MEIKIN: variants seen among roughly 807,000 people sequenced by gnomAD.
MEIKIN encodes meiotic kinetochore factor.
intron 6 of MEIKIN, among the ~76,000 whole-genome samples, chr5:131,920,685 C>T (rs1255314184): frequency 3.3e-5 from 5 of 150,520 alleles, no homozygotes; most frequent in African/African-American, 1.0e-4. Context: ...TTACCAAAAA[C>T]TGCATAACTT....
At chr5:131,894,719 G>A (rs996769617) in intron 8 of MEIKIN, among the ~76,000 whole-genome samples, 4 of 152,070 alleles carry the variant, frequency 2.6e-5, no homozygotes, top group Admixed American at 2.0e-4. Context: ...TTGGTGTATA[G>A]GAATGCTTGT....
At chr5:131,926,919 A>C (rs1277023919) in intron 5 of MEIKIN, among the ~76,000 whole-genome samples, 1 of 152,074 alleles carries the variant, frequency 6.6e-6, no homozygotes, top group Non-Finnish European at 1.5e-5. Flanking sequence ...TCTAACTAAA[A>C]GTTTGTCAAA....
At chr5:131,811,012 T>G (rs1772942877) in intron 12 of MEIKIN, among the ~76,000 whole-genome samples, 1 of 152,162 alleles carries the variant, frequency 6.6e-6, no homozygotes, top group Non-Finnish European at 1.5e-5. Context: ...CTTTGCTATT[T>G]TTACTAAAGG....
At chr5:131,863,527 T>C (rs1266399185) in intron 9 of MEIKIN, among the ~76,000 whole-genome samples, 3 of 151,310 alleles carry the variant, frequency 2.0e-5, no homozygotes, top group Non-Finnish European at 1.5e-5. Flanking sequence ...AGATTGATCC[T>C]TTTATCATTA....
At chr5:131,927,106 T>C (rs1439536184) in intron 5 of MEIKIN, among the ~76,000 whole-genome samples, 2 of 152,214 alleles carry the variant, frequency 1.3e-5, no homozygotes, top group Admixed American at 1.3e-4. Context: ...AAATTTTTCT[T>C]TTTAAATTTA....
chr5:131,878,672 T>C (rs1196957001), intron 9 of MEIKIN, among the ~76,000 whole-genome samples: 1 of 152,038 alleles, frequency 6.6e-6, no homozygotes, highest in African/African-American at 2.4e-5. Context: ...GAGTTTGAGA[T>C]GAGCCTGGAC....
intron 9 of MEIKIN, among the ~76,000 whole-genome samples, chr5:131,855,276 T>C (rs1750174064): frequency 6.6e-6 from 1 of 152,204 alleles, no homozygotes; most frequent in Non-Finnish European, 1.5e-5. Flanking sequence ...GTGAAATATA[T>C]GTAGCAAGGA....
intron 5 of MEIKIN, among the ~76,000 whole-genome samples, chr5:131,927,499 A>C (rs549633374): frequency 1.4e-4 from 21 of 152,184 alleles, no homozygotes; most frequent in Non-Finnish European, 3.1e-4. Context: ...GCGCTGTTCA[A>C]GTCTGCTGTT....
chr5:131,888,171 C>T (rs1348821454), intron 8 of MEIKIN, among the ~76,000 whole-genome samples: 2 of 147,774 alleles, frequency 1.4e-5, no homozygotes, highest in African/African-American at 2.6e-5. Context: ...AATAAACATA[C>T]GTGTGCATGT....
At position 131,826,555 on chromosome 5, in the gene MEIKIN, T is replaced by C. The variant is rs978451; in HGVS notation, c.976-7692A>G. 4.5e-3 allele frequency among the ~76,000 whole-genome samples: 693 copies of C among 152,332 alleles called. 6 individuals carry two copies. Among genetic ancestry groups the C allele is most frequent in the African/African-American group, 0.016 (654 of 41,570 alleles). ...AAATTTCAAGAGTAGCCATGATTGA[T>C]AGAGTTTGGCTCTGTGTCCCACCCA... On this transcript the variant is annotated intron_variant, in intron 11 of 12. Transcript: ENST00000442687.
chr5:131,833,334 C>T (rs1296638011), intron 11 of MEIKIN, among the ~76,000 whole-genome samples: 1 of 152,190 alleles, frequency 6.6e-6, no homozygotes, highest in African/African-American at 2.4e-5. Flanking sequence ...CAACAAGTTC[C>T]TCATCTCCAT....
chr5:131,914,968 G>C (rs776164964), intron 7 of MEIKIN, among the ~76,000 whole-genome samples: 9 of 152,124 alleles, frequency 5.9e-5, no homozygotes, highest in Non-Finnish European at 1.0e-4. Context: ...TGTCCATACA[G>C]GGTGGAAACA....
At chr5:131,870,539 C>T (rs1047779405) in intron 9 of MEIKIN, among the ~76,000 whole-genome samples, 1 of 152,134 alleles carries the variant, frequency 6.6e-6, no homozygotes, top group Non-Finnish European at 1.5e-5. Flanking sequence ...ACATCTGTTC[C>T]CCTGACCTCC....
intron 8 of MEIKIN, among the ~76,000 whole-genome samples, chr5:131,880,494 G>A (rs767630653): frequency 5.9e-5 from 9 of 151,748 alleles, no homozygotes; most frequent in Non-Finnish European, 8.8e-5. Flanking sequence ...CGCCTGCCTC[G>A]GCCTCCCAAA....
chr5:131,876,254 A>G (rs1399067393), intron 9 of MEIKIN, among the ~76,000 whole-genome samples: 3 of 152,032 alleles, frequency 2.0e-5, no homozygotes, highest in East Asian at 3.9e-4. Flanking sequence ...CATCTGACAA[A>G]GGGCTAATAT....
chr5:131,936,932 T>C (rs1487750211), intron 4 of MEIKIN, among the ~76,000 whole-genome samples: 1 of 152,184 alleles, frequency 6.6e-6, no homozygotes, highest in Middle Eastern at 3.2e-3. Flanking sequence ...CACCAGGTTA[T>C]CTATTTTTTA....
At chr5:131,811,349 T>TC (rs1772949083) in intron 12 of MEIKIN, among the ~76,000 whole-genome samples, 1 of 151,984 alleles carries the variant, frequency 6.6e-6, no homozygotes. Flanking sequence ...TCTTTTCTTT[T>TC]TTTTTTTTTT....
chr5:131,833,057 C>T (rs530886418), intron 11 of MEIKIN, among the ~76,000 whole-genome samples: 290 of 152,358 alleles, frequency 1.9e-3, no homozygotes, highest in Non-Finnish European at 3.8e-3. Context: ...AATTTCTCCT[C>T]AGAGAATGGG....
At chr5:131,807,346 C>T (rs528364786) in intron 12 of MEIKIN, 88 bp from the exon 13 acceptor site, 2 of 396,074 alleles carry the variant, frequency 5.0e-6, no homozygotes, top group East Asian at 3.6e-5. Flanking sequence ...GGAGAGAGCA[C>T]TTAATGCCCA....
Sources: gnomAD v4.1 joint callset for allele counts (sites outside exome capture counted in the v4.1 genomes callset) on GRCh38, gnomAD v4.1.1 for gene constraint, MANE v1.5 for transcripts, NCBI Gene and HGNC (gene_info 2026-07-23, HGNC 2026-07-21) for gene names.